Variants in ERO1B observed in about 807,000 individuals in gnomAD.
The protein encoded by ERO1B is endoplasmic reticulum oxidoreductase 1 beta, also known as ERO1-like protein beta.
In ERO1B, 49 loss-of-function variants were observed where a neutral mutation model predicts 75.3. The observed-to-expected ratio is 0.65, with a 90% confidence interval of 0.52 to 0.83. The LOEUF (loss-of-function observed/expected upper bound fraction) is 0.83, where lower values mean the gene tolerates loss of function less well. ERO1B is among the 40% of genes least tolerant of loss of function. The probability of loss-of-function intolerance (pLI) is 0.00; values close to 1 mark genes in which losing one functional copy is unlikely to be tolerated. For missense variants in ERO1B, 512 were observed against 560.1 expected (o/e 0.91, Z 0.87); for synonymous variants, 191 against 192.9 (o/e 0.99, Z 0.08).
chr1:236,258,930 T>C (rs1257781495), intron 2 of ERO1B, among the ~76,000 whole-genome samples: 1 of 152,058 alleles, frequency 6.6e-6, no homozygotes. Context: ...TAAAACTCAC[T>C]AGTAAAAGTA....
rs1447140608 is a variant in ERO1B, at chr1:236,216,629, C to A, written c.*1887G>T. On this transcript the variant is annotated 3_prime_UTR_variant, in exon 16 of 16. Transcript: ENST00000354619. ...AAACAAATCACAGTACAGAAAAAAA[C>A]AATAAATGGACATGAGCGAGGATTT... The A allele has an allele frequency of 2.0e-5, 3 of 151,860 alleles. No homozygotes were observed. The highest frequency in any genetic ancestry group is 4.4e-5 in the Non-Finnish European group (3 of 67,884). The allele number at this position is 151,860 out of a possible 1,614,324, so 9.4% of individuals were successfully genotyped here.
intron 6 of ERO1B, among the ~76,000 whole-genome samples, chr1:236,241,295 G>A (rs2102949165): frequency 6.6e-6 from 1 of 152,330 alleles, no homozygotes; most frequent in Non-Finnish European, 1.5e-5. Context: ...TGTAATCCCA[G>A]CACTGTGGGA....
chr1:236,280,748 G>A (rs1665812962), intron 1 of ERO1B, among the ~76,000 whole-genome samples: 1 of 152,190 alleles, frequency 6.6e-6, no homozygotes, highest in African/African-American at 2.4e-5. Flanking sequence ...AGCACTAATT[G>A]CTTCAAATGA....
At position 236,243,405 on chromosome 1, in the gene ERO1B, A is replaced by G. The variant is rs1407966538; in HGVS notation, c.505+17T>C. On this transcript the variant is annotated intron_variant, in intron 6 of 15. Coordinates refer to ENST00000354619, the MANE Select transcript of ERO1B (RefSeq NM_019891.4). The stretch of plus-strand genomic sequence containing the variant: ...TTAAAGTTAAAATAATTTAATTATA[A>G]TAGTTTATTGTATTACCATCAAGTT... 1 of 1,480,788 alleles carries G rather than the reference A, an allele frequency of 6.8e-7. No homozygotes were observed. The highest frequency in any genetic ancestry group is 2.4e-5 in the East Asian group (1 of 42,130). The allele number at this position is 1,480,788 out of a possible 1,614,324, so 91.7% of individuals were successfully genotyped here. A position where few individuals can be genotyped will look rare whatever the true frequency, so the allele number is the denominator to read the frequency against.
rs1314374700 is a variant in ERO1B at position 236,225,105 on chromosome 1, A to G, written c.1087T>C (p.Phe363Leu). 6.2e-7 allele frequency: 1 copy of G among 1,613,790 alleles called. No homozygotes were observed. The highest frequency in any genetic ancestry group is 1.3e-5 in the African/African-American group (1 of 74,914). ...TTGGCCCCTTTTTTGTCACCTGCAA[A>G]CATGGATTTCTCATCAAAGTGCATG... Reference protein sequence around the residue: ...FPMHFDEKSMFAGDKKGAKSL... With the variant: ...FPMHFDEKSMLAGDKKGAKSL... The change falls in exon 13 of 16, where the codon TTT (phenylalanine) becomes CTT (leucine). Residue 363 changes from phenylalanine (F) to leucine (L), a missense_variant. Coordinates refer to ENST00000354619, the MANE Select transcript of ERO1B (RefSeq NM_019891.4).
chr1:236,230,228 T>G lies in ERO1B; in HGVS notation c.708A>C (p.Leu236=). 6.3e-7 allele frequency: 1 copy of G among 1,592,908 alleles called. No individual in the cohort carries two copies. ...EDDGESFYTW[L]EGLCLEKRVF... is the part of the protein sequence containing the mutation. ...AATTTAGAACAGACTGTTTACCTTC[T>G]AGCCATGTGTAGAATGATTCTCCTG... The change falls in exon 10 of 16, where the codon CTA becomes CTC. Residue 236 remains leucine (L), a synonymous_variant. Transcript: ENST00000354619.
chr1:236,251,100 C>T (rs953430733), intron 4 of ERO1B, among the ~76,000 whole-genome samples: 1 of 151,676 alleles, frequency 6.6e-6, no homozygotes, highest in Non-Finnish European at 1.5e-5. Flanking sequence ...TGAGCAAAAT[C>T]CACATATACC....
chr1:236,261,050 G>T (rs1665284423), intron 2 of ERO1B, among the ~76,000 whole-genome samples: 1 of 152,004 alleles, frequency 6.6e-6, no homozygotes. Flanking sequence ...GCAAATTAAA[G>T]ACAAAAGCCA....
intron 2 of ERO1B, among the ~76,000 whole-genome samples, chr1:236,268,722 TA>T (rs1292108956): frequency 6.6e-6 from 1 of 151,124 alleles, no homozygotes; most frequent in African/African-American, 2.4e-5. Context: ...CCGTCTCTAC[TA>T]AAAATACAAA....
chr1:236,254,048 T>G (rs959259311), intron 2 of ERO1B, among the ~76,000 whole-genome samples: 1 of 152,100 alleles, frequency 6.6e-6, no homozygotes, highest in Non-Finnish European at 1.5e-5. Flanking sequence ...GATAAGGCAA[T>G]AAAAAGCCTG....
At chr1:236,281,653 G>T in intron 1 of ERO1B, 29 bp downstream of exon 1, 1 of 1,378,614 alleles carries the variant, frequency 7.3e-7, no homozygotes. Flanking sequence ...TCGGCCGGGG[G>T]TTCCCGGCCC....
rs112896288 is a variant in ERO1B at position 236,279,678 on chromosome 1, A to ACAC, written c.102+2003_102+2004insGTG. 2.2e-3 allele frequency among the ~76,000 whole-genome samples: 294 copies of ACAC among 133,454 alleles called. 2 individuals are homozygous for ACAC. The highest frequency in any genetic ancestry group is 0.014 in the East Asian group (69 of 4,988). 87.6% of individuals were successfully genotyped at this position (133,454 alleles called of 152,430 possible). A position where few individuals can be genotyped will look rare whatever the true frequency, so the allele number is the denominator to read the frequency against. Reference sequence around the variant, plus strand: ...ACCCTGTCTACTGGGAAAAAAAAAAAAAACACACACACAAAAATTAGCCAG... The same window carrying ACAC: ...ACCCTGTCTACTGGGAAAAAAAAAAACACAAACACACACACAAAAATTAGCCAG... On this transcript the variant is annotated intron_variant, in intron 1 of 15. Coordinates refer to ENST00000354619, the MANE Select transcript of ERO1B (RefSeq NM_019891.4).
intron 2 of ERO1B, among the ~76,000 whole-genome samples, chr1:236,266,754 G>T (rs1341508313): frequency 6.6e-6 from 1 of 151,982 alleles, no homozygotes; most frequent in Non-Finnish European, 1.5e-5. Context: ...TTTATAGGCT[G>T]ACAGAACAAA....
At position 236,253,419 on chromosome 1, in the gene ERO1B, T is replaced by C; in HGVS notation, c.306+3A>G. On this transcript the variant is annotated splice_donor_region_variant and intron_variant, in intron 3 of 15. Coordinates refer to ENST00000354619, the MANE Select transcript of ERO1B (RefSeq NM_019891.4). ...CTTTGCCCTGTTATTTTATTTATTA[T>C]ACCTCTGGACAGGGCTCCACATGAC... 1 of 1,584,768 alleles carries C rather than the reference T, an allele frequency of 6.3e-7. No individual in the cohort carries two copies. The highest frequency in any genetic ancestry group is 8.6e-7 in the Non-Finnish European group (1 of 1,156,884).
chr1:236,258,162 A>AAAAAAAC (rs1553373457), intron 2 of ERO1B, among the ~76,000 whole-genome samples: 9 of 136,362 alleles, frequency 6.6e-5, no homozygotes, highest in East Asian at 4.4e-4. Flanking sequence ...AAAAAAAAAA[A>AAAAAAAC]ACCCAGCCAG....
intron 6 of ERO1B, among the ~76,000 whole-genome samples, chr1:236,240,767 T>C (rs12027681): frequency 0.049 from 7,424 of 152,186 alleles, 555 homozygotes; most frequent in East Asian, 0.39. Context: ...TAGCTCACAA[T>C]CTAGCTGGGG....
chr1:236,218,416 A>G lies in ERO1B; in HGVS notation c.*100T>C. ...TTAAATTTTCTATTTAATAGTTCAG[A>G]ATTCTTGAAGTCAGATTAGTGTCTT... On this transcript the variant is annotated 3_prime_UTR_variant, in exon 16 of 16. Transcript: ENST00000354619. 1 of 1,157,844 alleles carries G rather than the reference A, an allele frequency of 8.6e-7. No individual in the cohort carries two copies. The highest frequency in any genetic ancestry group is 1.1e-6 in the Non-Finnish European group (1 of 896,942). 71.7% of individuals were successfully genotyped at this position (1,157,844 alleles called of 1,614,324 possible).
chr1:236,218,962 C>T (rs1373440125), intron 15 of ERO1B, among the ~76,000 whole-genome samples: 1 of 115,426 alleles, frequency 8.7e-6, no homozygotes, highest in Non-Finnish European at 1.8e-5. Context: ...GGTAAAGACT[C>T]TATTTCATCT....
chr1:236,268,627 C>T (rs925660627), intron 2 of ERO1B, among the ~76,000 whole-genome samples: 18 of 152,146 alleles, frequency 1.2e-4, no homozygotes, highest in Non-Finnish European at 2.1e-4. Context: ...TGGCTCACGC[C>T]TGTAATCCCA....
Sources: gnomAD v4.1 joint callset for allele counts (sites outside exome capture counted in the v4.1 genomes callset) on GRCh38, gnomAD v4.1.1 for gene constraint, MANE v1.5 for transcripts, NCBI Gene and HGNC (gene_info 2026-07-23, HGNC 2026-07-21) for gene names.